The following GPC5 variants were observed in gnomAD, a reference collection of about 807,000 sequenced individuals.
The protein encoded by GPC5 is glypican-5.
A neutral mutation model predicts 53.9 loss-of-function variants in GPC5; 47 were observed. The observed-to-expected ratio is 0.87, with a 90% CI of 0.69 to 1.11. The LOEUF is 1.11. Ranked by LOEUF, GPC5 falls within the 50% of genes most tolerant of loss-of-function variation. The pLI is 0.00. For synonymous variants in GPC5, 286 were observed against 263.3 expected (o/e 1.09, Z -0.84); for missense variants, 748 against 713.1 (o/e 1.05, Z -0.56).
intron 7 of GPC5, among the ~76,000 whole-genome samples, chr13:92,234,314 G>C (rs2139105448): frequency 6.6e-6 from 1 of 152,208 alleles, no homozygotes; most frequent in Admixed American, 6.5e-5. Context: ...ATCCTCTCCA[G>C]CACCTGTTGT....
intron 6 of GPC5, among the ~76,000 whole-genome samples, chr13:92,126,843 CATGTGTGT>C (rs1372320382): frequency 6.7e-6 from 1 of 149,600 alleles, no homozygotes; most frequent in Non-Finnish European, 1.5e-5. Flanking sequence ...TGTATGTATG[CATGTGTGT>C]GCATTTGTGT....
chr13:92,699,337 G>A (rs1391503139), intron 7 of GPC5, among the ~76,000 whole-genome samples: 1 of 151,742 alleles, frequency 6.6e-6, no homozygotes, highest in Non-Finnish European at 1.5e-5. Flanking sequence ...TATAAGTCTG[G>A]CTAGTGGTCT....
At chr13:92,522,024 A>C (rs962826192) in intron 7 of GPC5, among the ~76,000 whole-genome samples, 2 of 152,192 alleles carry the variant, frequency 1.3e-5, no homozygotes, top group African/African-American at 4.8e-5. Flanking sequence ...GACACATGAA[A>C]AAATGTTCAT....
chr13:92,577,331 C>G (rs1255467294), intron 7 of GPC5, among the ~76,000 whole-genome samples: 1 of 151,730 alleles, frequency 6.6e-6, no homozygotes, highest in African/African-American at 2.4e-5. Flanking sequence ...CTATTAATAG[C>G]TACCATTTTG....
chr13:91,836,226 A>G (rs2038721653), intron 5 of GPC5, among the ~76,000 whole-genome samples: 1 of 152,114 alleles, frequency 6.6e-6, no homozygotes, highest in South Asian at 2.1e-4. Flanking sequence ...ATAAATATCA[A>G]TATTAAAATA....
At chr13:92,522,438 A>G (rs1881096055) in intron 7 of GPC5, among the ~76,000 whole-genome samples, 1 of 152,218 alleles carries the variant, frequency 6.6e-6, no homozygotes, top group African/African-American at 2.4e-5. Flanking sequence ...CTATGCAGCC[A>G]TAAAAAAGGA....
intron 6 of GPC5, among the ~76,000 whole-genome samples, chr13:92,131,653 T>G (rs1250648595): frequency 6.6e-6 from 1 of 152,028 alleles, no homozygotes. Flanking sequence ...AATGAATCTA[T>G]GTAAACAGAG....
intron 7 of GPC5, among the ~76,000 whole-genome samples, chr13:92,662,524 C>T (rs185330006): frequency 0.015 from 2,332 of 152,252 alleles, 21 homozygotes; most frequent in Non-Finnish European, 0.024. Context: ...TTTTAAGCAA[C>T]CCCAAGTTGC....
chr13:91,943,718 T>C (rs2039948914), intron 6 of GPC5, among the ~76,000 whole-genome samples: 1 of 152,222 alleles, frequency 6.6e-6, no homozygotes, highest in South Asian at 2.1e-4. Context: ...TCGAAATACC[T>C]TTCCATGTAA....
At position 91,907,932 on chromosome 13, in the gene GPC5, G is replaced by A. The variant is rs1209879957; in HGVS notation, c.1281-5G>A. ...AAGTCATATCTTTCACATTTCCCTTGCTAGTTATACTCAGCGTGTGGTTGG... is the reference window on the plus strand; with the variant it reads ...AAGTCATATCTTTCACATTTCCCTTACTAGTTATACTCAGCGTGTGGTTGG... On this transcript the variant is annotated splice_region_variant and splice_polypyrimidine_tract_variant and intron_variant, in intron 5 of 7. Coordinates refer to ENST00000377067, the MANE Select transcript of GPC5 (RefSeq NM_004466.6). 3.8e-6 allele frequency: 6 copies of A among 1,594,148 alleles called. No homozygotes were observed. Among genetic ancestry groups the A allele is most frequent in the East Asian group, 4.5e-5 (2 of 44,670 alleles).
intron 7 of GPC5, among the ~76,000 whole-genome samples, chr13:92,597,352 T>C (rs1475612749): frequency 1.3e-5 from 2 of 152,080 alleles, no homozygotes; most frequent in Non-Finnish European, 1.5e-5. Flanking sequence ...CACACTTCCA[T>C]GTTCTGAAGA....
chr13:92,204,748 C>T (rs551301186), intron 7 of GPC5, among the ~76,000 whole-genome samples: 4 of 152,162 alleles, frequency 2.6e-5, no homozygotes, highest in Non-Finnish European at 5.9e-5. Context: ...CAAACATGAG[C>T]TTTCTACCCT....
chr13:92,076,966 G>A (rs2041257046), intron 6 of GPC5, among the ~76,000 whole-genome samples: 1 of 152,078 alleles, frequency 6.6e-6, no homozygotes, highest in Non-Finnish European at 1.5e-5. Context: ...AAGAACCTTG[G>A]TATCCACAAT....
chr13:92,278,035 A>G (rs1281297965), intron 7 of GPC5, among the ~76,000 whole-genome samples: 1 of 151,892 alleles, frequency 6.6e-6, no homozygotes, highest in Non-Finnish European at 1.5e-5. Context: ...ATTTTAGGCT[A>G]TTACTCTCTG....
intron 2 of GPC5, among the ~76,000 whole-genome samples, chr13:91,573,954 T>A (rs1402969981): frequency 1.3e-5 from 2 of 152,186 alleles, no homozygotes; most frequent in African/African-American, 4.8e-5. Flanking sequence ...ATTTCTAGTT[T>A]GTCACTACAT....
chr13:92,308,021 A>G (rs1292536636), intron 7 of GPC5, among the ~76,000 whole-genome samples: 1 of 152,194 alleles, frequency 6.6e-6, no homozygotes, highest in Non-Finnish European at 1.5e-5. Flanking sequence ...TCTCTTATTG[A>G]ATTAAACATG....
chr13:91,781,100 G>A (rs895573713), intron 5 of GPC5, among the ~76,000 whole-genome samples: 1 of 152,310 alleles, frequency 6.6e-6, no homozygotes. Context: ...TGGCCTACAA[G>A]CTGAGGTGCT....
chr13:92,426,580 T>G (rs1876845280), intron 7 of GPC5, among the ~76,000 whole-genome samples: 1 of 152,066 alleles, frequency 6.6e-6, no homozygotes, highest in African/African-American at 2.4e-5. Flanking sequence ...AAATGCATAA[T>G]CAAAGTGTTC....
intron 3 of GPC5, among the ~76,000 whole-genome samples, chr13:91,706,220 TCA>T (rs1233623088): frequency 3.2e-4 from 48 of 151,988 alleles, no homozygotes; most frequent in Non-Finnish European, 5.3e-4. Context: ...TACTATTTCA[TCA>T]CTTTATGGAC....
Sources: gnomAD v4.1 joint callset for allele counts (sites outside exome capture counted in the v4.1 genomes callset) on GRCh38, gnomAD v4.1.1 for gene constraint, MANE v1.5 for transcripts, NCBI Gene and HGNC (gene_info 2026-07-23, HGNC 2026-07-21) for gene names.